The following DLGAP2 variants were observed in gnomAD, a reference collection of about 807,000 sequenced individuals.
The protein encoded by DLGAP2 is DLG associated protein 2, also known as disks large-associated protein 2.
In DLGAP2, 26 loss-of-function variants were observed where a neutral mutation model predicts 100.3. That is an observed-to-expected ratio of 0.26 (90% CI 0.19 to 0.36). The LOEUF (loss-of-function observed/expected upper bound fraction) is 0.36, where lower values mean the gene tolerates loss of function less well. Ranked by LOEUF, DLGAP2 falls within the 10% of genes least tolerant of loss-of-function variation. The pLI, the probability that DLGAP2 is intolerant of heterozygous loss-of-function variation, is 1.00. For missense variants in DLGAP2, 1,858 were observed against 1,453.2 expected, an observed-to-expected ratio of 1.28 and a Z score of -4.53; for synonymous variants, 886 against 630.1, an observed-to-expected ratio of 1.41 and a Z score of -6.08.
At chr8:784,096 G>C (rs1821774872) in intron 1 of DLGAP2, among the ~76,000 whole-genome samples, 1 of 152,134 alleles carries the variant, frequency 6.6e-6, no homozygotes, top group Non-Finnish European at 1.5e-5. Context: ...ACTGAACCCA[G>C]CTTTCTTTCA....
intron 3 of DLGAP2, among the ~76,000 whole-genome samples, chr8:1,364,898 G>T (rs148624475): frequency 2.0e-5 from 3 of 152,140 alleles, no homozygotes; most frequent in Non-Finnish European, 2.9e-5. Flanking sequence ...TTCATGGCAG[G>T]GGGTAGTTTT....
chr8:1,191,114 T>G (rs1797624722), intron 2 of DLGAP2, among the ~76,000 whole-genome samples: 1 of 152,106 alleles, frequency 6.6e-6, no homozygotes, highest in Non-Finnish European at 1.5e-5. Context: ...GTGGGATGTC[T>G]TGCAATACAT....
intron 1 of DLGAP2, among the ~76,000 whole-genome samples, chr8:894,700 G>T (rs1456790310): frequency 1.4e-5 from 2 of 146,152 alleles, no homozygotes; most frequent in Non-Finnish European, 3.0e-5. Context: ...GATGGCAGGG[G>T]TGGCATGGGA....
intron 6 of DLGAP2, among the ~76,000 whole-genome samples, chr8:1,583,496 G>A (rs1313744238): frequency 6.6e-6 from 1 of 152,240 alleles, no homozygotes; most frequent in Admixed American, 6.5e-5. Flanking sequence ...GGGAGCGTCG[G>A]GGCTGCTTTT....
chr8:1,332,555 A>G (rs1280121481), intron 3 of DLGAP2, among the ~76,000 whole-genome samples: 1 of 152,176 alleles, frequency 6.6e-6, no homozygotes, highest in African/African-American at 2.4e-5. Flanking sequence ...ATGCACACAC[A>G]CTTGCTATGA....
At chr8:1,292,994 TC>T (rs1800094887) in intron 3 of DLGAP2, among the ~76,000 whole-genome samples, 1 of 152,122 alleles carries the variant, frequency 6.6e-6, no homozygotes, top group Admixed American at 6.5e-5. Context: ...GTTCCTCGTG[TC>T]TCTTTTTTCC....
intron 2 of DLGAP2, among the ~76,000 whole-genome samples, chr8:1,101,218 G>T (rs1029464079): frequency 2.6e-5 from 4 of 152,148 alleles, no homozygotes; most frequent in African/African-American, 9.7e-5. Flanking sequence ...AAGAACTGCC[G>T]AATGGAACTG....
chr8:1,122,970 A>G (rs533784170), intron 2 of DLGAP2, among the ~76,000 whole-genome samples: 13 of 152,342 alleles, frequency 8.5e-5, no homozygotes, highest in African/African-American at 2.9e-4. Flanking sequence ...GGTCCGCCAG[A>G]TAGAGGGTGA....
chr8:918,547 C>T (rs550127123), intron 2 of DLGAP2, among the ~76,000 whole-genome samples: 10 of 152,318 alleles, frequency 6.6e-5, no homozygotes, highest in South Asian at 4.1e-4. Flanking sequence ...GTGTCTGCAT[C>T]GATCCTGAAC....
intron 1 of DLGAP2, among the ~76,000 whole-genome samples, chr8:795,078 G>C (rs1795996087): frequency 6.6e-6 from 1 of 152,192 alleles, no homozygotes; most frequent in Non-Finnish European, 1.5e-5. Context: ...ACACTGTTTA[G>C]ATACCTGACT....
chr8:951,849 T>A (rs903075983), intron 2 of DLGAP2, among the ~76,000 whole-genome samples: 4 of 152,196 alleles, frequency 2.6e-5, no homozygotes, highest in African/African-American at 9.7e-5. Context: ...CTTACCCCCT[T>A]TTCCCACAAC....
chr8:907,495 G>T (rs1441830173), intron 1 of DLGAP2, among the ~76,000 whole-genome samples: 1 of 152,190 alleles, frequency 6.6e-6, no homozygotes, highest in Admixed American at 6.5e-5. Context: ...TGGAAGCTCA[G>T]ACTCTGGAAG....
At chr8:1,424,859 C>A (rs1199523492) in intron 3 of DLGAP2, among the ~76,000 whole-genome samples, 1 of 152,178 alleles carries the variant, frequency 6.6e-6, no homozygotes, top group Non-Finnish European at 1.5e-5. Flanking sequence ...CAGAGGGAGG[C>A]TGCCAGCAGC....
At chr8:1,054,220 G>A (rs931888275) in intron 2 of DLGAP2, among the ~76,000 whole-genome samples, 3 of 151,656 alleles carry the variant, frequency 2.0e-5, no homozygotes, top group South Asian at 4.2e-4. Flanking sequence ...ACACGCATGC[G>A]CACACACATG....
At chr8:922,027 G>T (rs1798726047) in intron 2 of DLGAP2, among the ~76,000 whole-genome samples, 2 of 152,378 alleles carry the variant, frequency 1.3e-5, no homozygotes, top group Middle Eastern at 3.4e-3. Context: ...TGGCATGCTG[G>T]CCCGGGTGTG....
At chr8:1,457,269 T>G (rs149315989) in intron 3 of DLGAP2, among the ~76,000 whole-genome samples, 2 of 152,320 alleles carry the variant, frequency 1.3e-5, no homozygotes, top group African/African-American at 4.8e-5. Flanking sequence ...GTTATAGTCA[T>G]AATTCATCGA....
intron 2 of DLGAP2, among the ~76,000 whole-genome samples, chr8:976,323 C>T (rs982013848): frequency 6.6e-6 from 1 of 152,142 alleles, no homozygotes; most frequent in African/African-American, 2.4e-5. Flanking sequence ...AAAATAGACT[C>T]AGTGCAGGCC....
intron 2 of DLGAP2, among the ~76,000 whole-genome samples, chr8:940,920 C>T (rs1799181696): frequency 6.6e-6 from 1 of 152,072 alleles, no homozygotes; most frequent in Non-Finnish European, 1.5e-5. Flanking sequence ...CCTGAGATGT[C>T]CCCCAGAGCG....
chr8:1,005,584 A>ATT (rs11370572), intron 2 of DLGAP2, among the ~76,000 whole-genome samples: 4,986 of 145,016 alleles, frequency 0.034, 248 homozygotes, highest in Admixed American at 0.13. Context: ...TGCCCAGCTA[A>ATT]TTTTTTTTTT....
Sources: allele counts gnomAD v4.1 joint callset (sites outside exome capture counted in the v4.1 genomes callset), GRCh38; gene constraint gnomAD v4.1.1; transcripts MANE v1.5; gene names NCBI Gene and HGNC (gene_info 2026-07-23, HGNC 2026-07-21).